The following ZNF385D variants were observed in gnomAD, a reference collection of about 807,000 sequenced individuals.
ZNF385D encodes the protein zinc finger protein 385D.
Under a neutral mutation model 35.8 loss-of-function variants are expected in ZNF385D, and 15 were observed. That is an observed-to-expected ratio of 0.42 (90% CI 0.28 to 0.64). The LOEUF is 0.64. Among genes scored for constraint, ZNF385D ranks in the 30% least tolerant of loss-of-function variants. The pLI is 0.23. For synonymous variants in ZNF385D, 212 were observed against 186.8 expected (o/e 1.13, Z -1.10); for missense variants, 474 against 494.6 (o/e 0.96, Z 0.39).
intron 3 of ZNF385D, among the ~76,000 whole-genome samples, chr3:21,856,111 G>C (rs572326201): frequency 6.6e-6 from 1 of 151,294 alleles, no homozygotes; most frequent in East Asian, 1.9e-4. Flanking sequence ...CTCATTATCT[G>C]AGAGGAGAAA....
intron 2 of ZNF385D, among the ~76,000 whole-genome samples, chr3:22,179,936 C>T (rs942668020): frequency 5.3e-5 from 8 of 152,210 alleles, no homozygotes; most frequent in African/African-American, 1.7e-4. Context: ...TAACAAAGAT[C>T]AGAGCAGAAC....
intron 2 of ZNF385D, among the ~76,000 whole-genome samples, chr3:22,179,135 G>C (rs1445588646): frequency 2.0e-5 from 3 of 152,116 alleles, no homozygotes. Flanking sequence ...GTCATTGGTA[G>C]CTTGATGGGG....
chr3:21,969,401 G>A (rs1005988223), intron 3 of ZNF385D, among the ~76,000 whole-genome samples: 3 of 152,124 alleles, frequency 2.0e-5, no homozygotes, highest in African/African-American at 7.2e-5. Flanking sequence ...ATCCCTCTTT[G>A]CTCGGCACTT....
intron 2 of ZNF385D, among the ~76,000 whole-genome samples, chr3:22,328,700 T>C (rs1425001123): frequency 6.6e-6 from 1 of 151,056 alleles, no homozygotes; most frequent in Non-Finnish European, 1.5e-5. Flanking sequence ...GAGGTGGAGG[T>C]TGCAGTGAGC....
intron 2 of ZNF385D, among the ~76,000 whole-genome samples, chr3:22,183,411 G>GC (rs1404397603): frequency 6.6e-6 from 1 of 152,062 alleles, no homozygotes; most frequent in East Asian, 1.9e-4. Context: ...AGTGCAGTGT[G>GC]CAGTGGTGCA....
intron 3 of ZNF385D, among the ~76,000 whole-genome samples, chr3:21,980,350 G>C (rs1180711375): frequency 1.3e-5 from 2 of 152,126 alleles, no homozygotes; most frequent in African/African-American, 4.8e-5. Flanking sequence ...TGGAAACTGT[G>C]ACATAAATTT....
At chr3:21,872,112 G>A (rs1276707343) in intron 3 of ZNF385D, among the ~76,000 whole-genome samples, 1 of 151,896 alleles carries the variant, frequency 6.6e-6, no homozygotes, top group African/African-American at 2.4e-5. Context: ...CCTATTTAAG[G>A]TCTTCATTTG....
chr3:21,721,143 A>C (rs1459389989), intron 1 of ZNF385D, among the ~76,000 whole-genome samples: 1 of 152,130 alleles, frequency 6.6e-6, no homozygotes, highest in Non-Finnish European at 1.5e-5. Flanking sequence ...AAAGGAGCAT[A>C]ATGACTTTGC....
At chr3:22,327,901 A>G (rs959569736) in intron 2 of ZNF385D, among the ~76,000 whole-genome samples, 3 of 152,228 alleles carry the variant, frequency 2.0e-5, no homozygotes, top group African/African-American at 7.2e-5. Context: ...GAGGTGTAAC[A>G]TAACAAAACC....
At chr3:22,105,955 AT>A (rs1156856193) in intron 3 of ZNF385D, among the ~76,000 whole-genome samples, 1 of 152,190 alleles carries the variant, frequency 6.6e-6, no homozygotes. Flanking sequence ...TTACTATTGT[AT>A]TTTGAGTAAT....
intron 3 of ZNF385D, among the ~76,000 whole-genome samples, chr3:22,148,840 AT>A (rs1427291435): frequency 6.6e-6 from 1 of 152,214 alleles, no homozygotes; most frequent in African/African-American, 2.4e-5. Flanking sequence ...TCTGAGAAGT[AT>A]TAAATTGCTT....
chr3:21,949,181 T>C (rs1694018), intron 3 of ZNF385D, among the ~76,000 whole-genome samples: 131,722 of 152,238 alleles, frequency 0.87, 57,212 homozygotes, highest in East Asian at 0.98. Flanking sequence ...AATTGAATTA[T>C]AAGAATTCTT....
At chr3:21,969,654 G>C (rs984653122) in intron 3 of ZNF385D, among the ~76,000 whole-genome samples, 2 of 152,138 alleles carry the variant, frequency 1.3e-5, no homozygotes, top group African/African-American at 4.8e-5. Flanking sequence ...AGGAAACGAA[G>C]CTGGCTGGAT....
intron 3 of ZNF385D, among the ~76,000 whole-genome samples, chr3:22,157,362 C>T (rs1014901859): frequency 1.3e-5 from 2 of 151,858 alleles, no homozygotes; most frequent in Admixed American, 6.6e-5. Flanking sequence ...TTTTTGATAC[C>T]TTTATTATCT....
At chr3:21,549,901 T>C (rs1419472870) in intron 3 of ZNF385D, among the ~76,000 whole-genome samples, 3 of 152,082 alleles carry the variant, frequency 2.0e-5, no homozygotes, top group African/African-American at 7.2e-5. Context: ...CTTAAAGAGG[T>C]TGATAGCTTT....
At chr3:21,939,488 C>A (rs1013658099) in intron 3 of ZNF385D, among the ~76,000 whole-genome samples, 1 of 151,964 alleles carries the variant, frequency 6.6e-6, no homozygotes, top group Non-Finnish European at 1.5e-5. Context: ...CAAAAAAAAC[C>A]ATCCACCAAT....
chr3:21,747,580 A>G (rs1230356225), intron 1 of ZNF385D, among the ~76,000 whole-genome samples: 1 of 152,230 alleles, frequency 6.6e-6, no homozygotes, highest in African/African-American at 2.4e-5. Context: ...CCAGCAGTGG[A>G]GAAATGTGTC....
chr3:22,311,795 C>T (rs759407229), intron 2 of ZNF385D, among the ~76,000 whole-genome samples: 4 of 152,018 alleles, frequency 2.6e-5, no homozygotes, highest in Non-Finnish European at 5.9e-5. Flanking sequence ...GATGAAGCTA[C>T]AATAAATTGA....
At chr3:21,670,845 A>G (rs1469773060) in intron 1 of ZNF385D, among the ~76,000 whole-genome samples, 1 of 151,480 alleles carries the variant, frequency 6.6e-6, no homozygotes, top group African/African-American at 2.4e-5. Context: ...CCTTTCAACC[A>G]AACAACTGAT....
Sources: gnomAD v4.1 joint callset for allele counts (sites outside exome capture counted in the v4.1 genomes callset) on GRCh38, gnomAD v4.1.1 for gene constraint, MANE v1.5 for transcripts, NCBI Gene and HGNC (gene_info 2026-07-23, HGNC 2026-07-21) for gene names.